The following DDX4 variants were observed in gnomAD, a reference collection of about 807,000 sequenced individuals.
DDX4 encodes the protein probable ATP-dependent RNA helicase DDX4.
DDX4 carries 25 observed loss-of-function variants against 100.0 expected under a neutral mutation model. The ratio of observed to expected loss-of-function variants is 0.25; its 90% CI spans 0.18 to 0.35. DDX4 has a LOEUF of 0.35. Among genes scored for constraint, DDX4 ranks in the 10% least tolerant of loss-of-function variants. The pLI is 1.00. For missense variants in DDX4, 635 were observed against 882.4 expected (o/e 0.72, Z 3.55); for synonymous variants, 259 against 275.7 (o/e 0.94, Z 0.60).
Position 55,785,632 on chromosome 5 carries a change from G to A in DDX4, c.722-97G>A, listed in dbSNP as rs550867471. ...AAGGTAAGCAGTGGGAAGTTCCATA[G>A]TATTTAAAATTTGATCTTGTCAATT... On this transcript the variant is annotated intron_variant, in intron 12 of 21. Coordinates refer to ENST00000505374, the MANE Select transcript of DDX4 (RefSeq NM_024415.3). 38 of 1,289,748 alleles carry A rather than the reference G, an allele frequency of 2.9e-5. 1 individual carries two copies. The Middle Eastern group carries it at 7.6e-4, about 26-fold the overall frequency. The allele number at this position is 1,289,748 out of a possible 1,614,324, so 79.9% of individuals were successfully genotyped here.
At chr5:55,742,956 G>A (rs1476482846) in intron 2 of DDX4, among the ~76,000 whole-genome samples, 1 of 152,148 alleles carries the variant, frequency 6.6e-6, no homozygotes, top group Non-Finnish European at 1.5e-5. Context: ...AGACTTAAAG[G>A]AGTCCCAGCA....
chr5:55,790,226 C>T (rs1476840276), intron 15 of DDX4, among the ~76,000 whole-genome samples: 1 of 146,874 alleles, frequency 6.8e-6, no homozygotes, highest in Non-Finnish European at 1.5e-5. Context: ...CTCACTGCAA[C>T]CTCTGCCTCC....
chr5:55,772,152 A>G (rs747926395), intron 7 of DDX4, among the ~76,000 whole-genome samples: 2 of 152,222 alleles, frequency 1.3e-5, no homozygotes, highest in Non-Finnish European at 2.9e-5. Flanking sequence ...CAGAGGTTGC[A>G]GTGAGCTGAG....
chr5:55,750,513 AT>A (rs1759492045), intron 3 of DDX4: 1 of 154,128 alleles, frequency 6.5e-6, no homozygotes, highest in Admixed American at 6.5e-5. Context: ...CTGCTTCATT[AT>A]TTGGTAGAGG....
At chr5:55,765,413 A>AAAAATATATATATATATATAT (rs1392558099) in intron 6 of DDX4, among the ~76,000 whole-genome samples, 5 of 83,006 alleles carry the variant, frequency 6.0e-5, no homozygotes, top group African/African-American at 2.9e-4. Context: ...AAAAAAAAAA[A>AAAAATATATATATATATATAT]ATATATATAT....
intron 17 of DDX4, among the ~76,000 whole-genome samples, chr5:55,793,959 A>G (rs1026879647): frequency 4.6e-5 from 7 of 152,146 alleles, no homozygotes; most frequent in African/African-American, 1.4e-4. Context: ...AGAATGTTAC[A>G]TGGGATCCTG....
At chr5:55,801,247 CAT>C (rs1491360533) in intron 18 of DDX4, among the ~76,000 whole-genome samples, 7 of 106,138 alleles carry the variant, frequency 6.6e-5, no homozygotes, top group Non-Finnish European at 1.0e-4. Context: ...ATTAAAAAAA[CAT>C]TTTTTTAAAG....
At chr5:55,816,339 T>A in intron 21 of DDX4, 124 bp from the exon 22 acceptor site, 1 of 1,382,224 alleles carries the variant, frequency 7.2e-7, no homozygotes, top group East Asian at 2.6e-5. Flanking sequence ...GTTCTTTGAT[T>A]ATTTGGGGAA....
chr5:55,747,940 G>A (rs1192852844), intron 3 of DDX4, among the ~76,000 whole-genome samples: 2 of 152,166 alleles, frequency 1.3e-5, no homozygotes, highest in Admixed American at 6.5e-5. Context: ...ATGGTCAAGG[G>A]AGCTGCATGC....
intron 6 of DDX4, among the ~76,000 whole-genome samples, chr5:55,767,622 A>G (rs978830398): frequency 2.6e-5 from 4 of 152,230 alleles, no homozygotes; most frequent in Admixed American, 2.6e-4. Flanking sequence ...TGCGTAGTAT[A>G]ATGCTTGGCA....
chr5:55,795,991 A>G (rs1054556461), intron 17 of DDX4, among the ~76,000 whole-genome samples: 3 of 152,192 alleles, frequency 2.0e-5, no homozygotes, highest in Non-Finnish European at 2.9e-5. Flanking sequence ...GATTCCCCCA[A>G]GAAGCTGCTG....
intron 2 of DDX4, among the ~76,000 whole-genome samples, chr5:55,744,468 G>C (rs1266748474): frequency 6.6e-6 from 1 of 152,142 alleles, no homozygotes; most frequent in East Asian, 1.9e-4. Context: ...TGATGATAAG[G>C]ACACCCTAAG....
rs191927359 is a variant in DDX4, at chr5:55,794,828, A to G, written c.1469+2021A>G. Among the ~76,000 whole-genome samples, 195 of 152,188 alleles carry G rather than the reference A, an allele frequency of 1.3e-3. 1 individual carries two copies. The highest frequency in any genetic ancestry group is 1.9e-3 in the Admixed American group (29 of 15,282). ...TCTTAAATGTTACCAGTTGCCCATC[A>G]TTCTGTGCGAAGTCCTTTTCTCAAT... On this transcript the variant is annotated intron_variant, in intron 17 of 21. Coordinates refer to ENST00000505374, the MANE Select transcript of DDX4 (RefSeq NM_024415.3).
intron 18 of DDX4, among the ~76,000 whole-genome samples, chr5:55,800,276 A>G (rs897986212): frequency 2.6e-5 from 4 of 151,702 alleles, no homozygotes; most frequent in South Asian, 2.1e-4. Flanking sequence ...GATGAGCACT[A>G]TATGGTTTTG....
intron 6 of DDX4, among the ~76,000 whole-genome samples, chr5:55,764,880 GACAA>G (rs1367776595): frequency 6.6e-6 from 1 of 152,188 alleles, no homozygotes. Context: ...ACACATTCAT[GACAA>G]ACACTCAGAT....
intron 3 of DDX4, among the ~76,000 whole-genome samples, chr5:55,750,841 G>T (rs1759509907): frequency 6.6e-6 from 1 of 151,812 alleles, no homozygotes; most frequent in Non-Finnish European, 1.5e-5. Flanking sequence ...ATTGATAATT[G>T]ATTTCCTTAT....
At chr5:55,739,122 G>A (rs1299382861) in intron 2 of DDX4, 90 bp downstream of exon 2, 1 of 789,298 alleles carries the variant, frequency 1.3e-6, no homozygotes, top group African/African-American at 1.7e-5. Context: ...TATACAGTCT[G>A]TGTCAGTGTT....
chr5:55,753,295 A>G (rs943101412), intron 3 of DDX4, among the ~76,000 whole-genome samples: 1 of 152,092 alleles, frequency 6.6e-6, no homozygotes, highest in Non-Finnish European at 1.5e-5. Context: ...TAGGGTTTTT[A>G]TGGTTTCTGG....
chr5:55,752,166 TATTA>T (rs953220367), intron 3 of DDX4, among the ~76,000 whole-genome samples: 8 of 152,050 alleles, frequency 5.3e-5, no homozygotes, highest in African/African-American at 1.4e-4. Context: ...TTTATTTATT[TATTA>T]ATTTTTTTCT....
Sources: gnomAD v4.1 joint callset for allele counts (sites outside exome capture counted in the v4.1 genomes callset) on GRCh38, gnomAD v4.1.1 for gene constraint, MANE v1.5 for transcripts, NCBI Gene and HGNC (gene_info 2026-07-23, HGNC 2026-07-21) for gene names.